The following PRKCQ variants were observed in gnomAD, a reference collection of about 807,000 sequenced individuals.
PRKCQ encodes protein kinase C theta, also known as protein kinase C theta type.
In PRKCQ, 41 loss-of-function variants were observed where a neutral mutation model predicts 91.2. That is an observed-to-expected ratio of 0.45 (90% CI 0.35 to 0.58). The LOEUF (loss-of-function observed/expected upper bound fraction) is 0.58. PRKCQ is among the 20% of genes least tolerant of loss of function. The probability of loss-of-function intolerance (pLI) is 0.00; values close to 1 mark genes in which losing one functional copy is unlikely to be tolerated. For synonymous variants in PRKCQ, 307 were observed against 316.9 expected (o/e 0.97, Z 0.33); for missense variants, 673 against 896.5 (o/e 0.75, Z 3.18).
At chr10:6,408,358 C>T in the PRKCQ span, among the ~76,000 whole-genome samples, 1 of 151,946 alleles carries the variant, frequency 6.6e-6, no homozygotes, top group East Asian at 1.9e-4. Context: ...TTGGCAAGGC[C>T]ACTTTTTGTT....
the PRKCQ span, among the ~76,000 whole-genome samples, chr10:6,394,799 G>C: frequency 7.0e-6 from 1 of 142,644 alleles, no homozygotes; most frequent in Non-Finnish European, 1.5e-5. Flanking sequence ...AAAACAAATA[G>C]TGATTGTGTC....
At chr10:6,460,175 A>AT (rs1055171868) in intron 14 of PRKCQ, among the ~76,000 whole-genome samples, 29 of 151,362 alleles carry the variant, frequency 1.9e-4, no homozygotes, top group East Asian at 1.7e-3. Context: ...AAATAAACTC[A>AT]TTTTTTTTTC....
chr10:6,558,453 A>C (rs974165019), intron 1 of PRKCQ, among the ~76,000 whole-genome samples: 5 of 152,356 alleles, frequency 3.3e-5, no homozygotes, highest in African/African-American at 1.2e-4. Context: ...TAATTTGCAA[A>C]ACCACAGCGT....
chr10:6,457,124 C>G (rs1459872854), intron 14 of PRKCQ, among the ~76,000 whole-genome samples: 3 of 152,128 alleles, frequency 2.0e-5, no homozygotes, highest in Non-Finnish European at 4.4e-5. Context: ...AGGAGGAAAA[C>G]CTAAAAAATA....
rs113215605 is a variant in PRKCQ at position 6,465,340 on chromosome 10, T to G, written c.1354-936A>C. On this transcript the variant is annotated intron_variant, in intron 12 of 17. Transcript: ENST00000263125. The surrounding 1 kb of genome is among the most constrained non-coding windows in gnomAD (Gnocchi z 4.4). The stretch of plus-strand genomic sequence containing the variant: ...GGAGTTCTTCTGGCAGAGGACATGA[T>G]GTATGTCAGTAGAGCTGGGGCCCTC... Among the ~76,000 whole-genome samples the G allele has an allele frequency of 3.1e-3, 473 of 152,196 alleles. 2 individuals are homozygous for G. The highest frequency in any genetic ancestry group is 2.9e-3 in the Non-Finnish European group (195 of 68,008).
At chr10:6,453,618 C>T (rs2132299472) in intron 15 of PRKCQ, among the ~76,000 whole-genome samples, 1 of 152,310 alleles carries the variant, frequency 6.6e-6, no homozygotes, top group African/African-American at 2.4e-5. Flanking sequence ...GACACATGCA[C>T]ACATCTGTTT....
At chr10:6,529,360 C>T (rs1839310003) in intron 1 of PRKCQ, among the ~76,000 whole-genome samples, 1 of 152,250 alleles carries the variant, frequency 6.6e-6, no homozygotes, top group Admixed American at 6.5e-5. Flanking sequence ...TTCTCTCTGA[C>T]TCTACCATCT....
chr10:6,497,269 C>T lies in PRKCQ; in HGVS notation c.543-18G>A, dbSNP rs751741500. 32 of 1,613,938 alleles carry T rather than the reference C, an allele frequency of 2.0e-5. No individual in the cohort carries two copies. Among genetic ancestry groups the T allele is most frequent in the Non-Finnish European group, 2.7e-5 (32 of 1,179,982 alleles). On this transcript the variant is annotated intron_variant, in intron 5 of 17. Transcript: ENST00000263125. This position sits in a 1 kb window ranked among gnomAD's most constrained non-coding sequence, Gnocchi z 4.5. The stretch of plus-strand genomic sequence containing the variant: ...TCAGGCCCCTGTAATAAAGCACACG[C>T]TGATTTATTTCAATGTTGGCATCAA...
At chr10:6,479,790 A>T (rs944073162) in intron 11 of PRKCQ, among the ~76,000 whole-genome samples, 1 of 148,946 alleles carries the variant, frequency 6.7e-6, no homozygotes, top group Non-Finnish European at 1.5e-5. Flanking sequence ...AAAAAAAAAA[A>T]AAAAATCCAA....
intron 15 of PRKCQ, among the ~76,000 whole-genome samples, chr10:6,454,391 C>T (rs541550667): frequency 9.2e-5 from 14 of 152,000 alleles, no homozygotes; most frequent in Non-Finnish European, 1.5e-4. Flanking sequence ...ACCTGGAGAT[C>T]TGGGCGGAGC....
intron 14 of PRKCQ, 126 bp from the exon 15 acceptor site, chr10:6,456,938 A>G: frequency 1.1e-6 from 1 of 938,658 alleles, no homozygotes; most frequent in Non-Finnish European, 1.6e-6. Flanking sequence ...GCGCTTATGT[A>G]TCTATCCACT....
chr10:6,485,251 T>C lies in PRKCQ; in HGVS notation c.919A>G (p.Thr307Ala), dbSNP rs995610012. 1.6e-5 allele frequency: 26 copies of C among 1,613,886 alleles called. No individual in the cohort carries two copies. Among genetic ancestry groups the C allele is most frequent in the African/African-American group, 2.7e-5 (2 of 74,920 alleles). The stretch of plus-strand genomic sequence containing the variant: ...GGACCTTCTCTGAAGATCTGTTCAG[T>C]ATCTCTTAAGCAGCGAGCCTGGATG... The part of the protein sequence containing the change: ...STQQARCLRD[T>A]EQIFREGPVE... Residue 307 changes from threonine to alanine, a missense_variant, in exon 10 of 18, where the codon ACT (threonine) becomes GCT (alanine). Thr to Ala is a moderately conservative substitution (Grantham distance 58). Transcript: ENST00000263125.
the PRKCQ span, among the ~76,000 whole-genome samples, chr10:6,418,988 T>TATC: frequency 1.3e-5 from 2 of 149,992 alleles, no homozygotes; most frequent in Admixed American, 1.3e-4. Flanking sequence ...TCTATCTATC[T>TATC]ATCTATCTAT....
intron 1 of PRKCQ, among the ~76,000 whole-genome samples, chr10:6,561,083 A>C (rs1473919593): frequency 6.6e-6 from 1 of 151,978 alleles, no homozygotes; most frequent in Non-Finnish European, 1.5e-5. Context: ...TGACTAAAAA[A>C]TTCTTCCTTG....
rs1479526470 is a variant in PRKCQ, at chr10:6,507,437, A to T, written c.378T>A (p.Ser126Arg). Residue 126 changes from serine (S) to arginine (R), a missense_variant and splice_region_variant, in exon 4 of 18, where the codon AGT (serine) becomes AGA (arginine). Coordinates refer to ENST00000263125, the MANE Select transcript of PRKCQ (RefSeq NM_006257.5). The part of the protein sequence containing the change: ...LMNARYFLEM[S>R]DTKDMNEFET... ...ACAGGAAGAAGAAATGTCACTTGCC[A>T]CTCATTTCCAGAAAGTATCTTGCAT... 6.2e-7 allele frequency: 1 copy of T among 1,613,254 alleles called. No individual in the cohort carries two copies. Among genetic ancestry groups the T allele is most frequent in the East Asian group, 2.2e-5 (1 of 44,858 alleles).
chr10:6,504,529 T>A (rs1399079200), intron 4 of PRKCQ, among the ~76,000 whole-genome samples: 1 of 152,212 alleles, frequency 6.6e-6, no homozygotes, highest in East Asian at 1.9e-4. Context: ...TTGCTAACCT[T>A]TAATGCCCAC....
At chr10:6,425,242 T>G (rs113275196), downstream of PRKCQ, among the ~76,000 whole-genome samples, 31 of 148,744 alleles carry the variant, frequency 2.1e-4, 2 homozygotes, top group African/African-American at 7.0e-4. Context: ...TTTTTTTTTT[T>G]GAAACAGAGT....
At chr10:6,396,323 T>C in the PRKCQ span, among the ~76,000 whole-genome samples, 6 of 152,208 alleles carry the variant, frequency 3.9e-5, no homozygotes, top group African/African-American at 1.4e-4. Context: ...TTTTAAAGTA[T>C]ACAATTCAAT....
chr10:6,572,050 C>G (rs1841066097), intron 1 of PRKCQ, among the ~76,000 whole-genome samples: 1 of 152,134 alleles, frequency 6.6e-6, no homozygotes, highest in Non-Finnish European at 1.5e-5. Flanking sequence ...AGCTGTGAGA[C>G]CCACCCAACA....
Sources: gnomAD v4.1 joint callset for allele counts (sites outside exome capture counted in the v4.1 genomes callset) on GRCh38, gnomAD v4.1.1 for gene constraint, Gnocchi (gnomAD v3.1) non-coding constraint, MANE v1.5 for transcripts, NCBI Gene and HGNC (gene_info 2026-07-23, HGNC 2026-07-21) for gene names.